The following ZNF423 variants were observed in gnomAD, a reference collection of about 807,000 sequenced individuals.
ZNF423 encodes the protein zinc finger protein 423.
In ZNF423, 12 loss-of-function variants were observed where a neutral mutation model predicts 95.8. The ratio of observed to expected loss-of-function variants is 0.13; its 90% CI spans 0.08 to 0.20. The LOEUF is 0.20. ZNF423 is among the 10% of genes least tolerant of loss of function. The pLI, the probability that ZNF423 is intolerant of heterozygous loss-of-function variation, is 1.00. For missense variants in ZNF423, 1,316 were observed against 1,737.1 expected, an observed-to-expected ratio of 0.76 and a Z score of 4.31; for synonymous variants, 749 against 711.9, an observed-to-expected ratio of 1.05 and a Z score of -0.83.
intron 5 of ZNF423, among the ~76,000 whole-genome samples, chr16:49,591,425 A>G (rs9938281): frequency 0.65 from 98,375 of 151,954 alleles, 34,011 homozygotes; most frequent in African/African-American, 0.91. Flanking sequence ...CTAAACATAA[A>G]TATGCAAAAA....
chr16:49,740,842 T>C (rs2033399604), intron 2 of ZNF423, among the ~76,000 whole-genome samples: 1 of 152,230 alleles, frequency 6.6e-6, no homozygotes, highest in Non-Finnish European at 1.5e-5. Flanking sequence ...GTATCTTCAG[T>C]TGTCAGCAAG....
At position 49,761,476 on chromosome 16, in the gene ZNF423, C is replaced by T. The variant is rs149970019; in HGVS notation, c.100+28011G>A. On this transcript the variant is annotated intron_variant, in intron 2 of 7. Coordinates refer to ENST00000563137, the MANE Select transcript of ZNF423 (RefSeq NM_001379286.1). ...CCAAGATTGTGCGTTACTAGAAGCT[C>T]CCAGTAAGGAGAACGACGCTGGTCC... is the stretch of plus-strand genomic sequence containing the variant. Among the ~76,000 whole-genome samples, 610 of 152,294 alleles carry T rather than the reference C, an allele frequency of 4.0e-3. 2 individuals carry two copies. The highest frequency in any genetic ancestry group is 6.6e-3 in the Non-Finnish European group (448 of 68,012).
chr16:49,685,884 C>T (rs2031544393), intron 3 of ZNF423, among the ~76,000 whole-genome samples: 1 of 152,214 alleles, frequency 6.6e-6, no homozygotes, highest in South Asian at 2.1e-4. Context: ...GCTCACCACG[C>T]TCCCCCATGC....
At chr16:49,612,893 C>T (rs1202233315) in intron 5 of ZNF423, among the ~76,000 whole-genome samples, 1 of 151,082 alleles carries the variant, frequency 6.6e-6, no homozygotes, top group African/African-American at 2.4e-5. Context: ...AACACATGAA[C>T]ACTGAAATTA....
At chr16:49,527,180 G>T (rs769355050) in intron 5 of ZNF423, among the ~76,000 whole-genome samples, 1 of 151,844 alleles carries the variant, frequency 6.6e-6, no homozygotes, top group East Asian at 1.9e-4. Flanking sequence ...ACACACACAC[G>T]TGCACACACA....
rs1056082536 is a variant in ZNF423 at position 49,731,308 on chromosome 16, C to G, written c.101-337G>C. ...GATTCAGTTACACACCTTTTTAAAG[C>G]CTCCATCAGCTGTTCCTAACACACC... On this transcript the variant is annotated intron_variant, in intron 2 of 7. Transcript: ENST00000563137. The G allele has an allele frequency of 8.1e-6, 8 of 985,226 alleles. No individual in the cohort carries two copies. In the East Asian group the frequency reaches 9.1e-4, roughly 112 times the overall value. 61.0% of individuals were successfully genotyped at this position (985,226 alleles called of 1,614,324 possible). A position where few individuals can be genotyped will look rare whatever the true frequency, so the allele number is the denominator to read the frequency against.
intron 7 of ZNF423, among the ~76,000 whole-genome samples, chr16:49,501,682 G>A (rs1327807744): frequency 6.6e-6 from 1 of 151,858 alleles, no homozygotes; most frequent in Non-Finnish European, 1.5e-5. Context: ...ATATATCATG[G>A]AATATTATGC....
intron 2 of ZNF423, among the ~76,000 whole-genome samples, chr16:49,753,081 T>C (rs1189749290): frequency 1.3e-5 from 2 of 151,870 alleles, no homozygotes; most frequent in Admixed American, 1.3e-4. Flanking sequence ...CCATCTCTAC[T>C]AAAAATACAA....
chr16:49,856,729 G>A (rs2035375124), upstream of ZNF423, among the ~76,000 whole-genome samples: 3 of 147,926 alleles, frequency 2.0e-5, no homozygotes, highest in South Asian at 6.3e-4. Context: ...GCGCGCCCGT[G>A]CCCCGGGCAT....
chr16:49,770,467 C>T (rs1487245875), intron 2 of ZNF423, among the ~76,000 whole-genome samples: 2 of 152,040 alleles, frequency 1.3e-5, no homozygotes, highest in Non-Finnish European at 2.9e-5. Flanking sequence ...ACCTGCTCCA[C>T]GGTGGGAAGG....
chr16:49,596,187 T>C (rs1264274341), intron 5 of ZNF423, among the ~76,000 whole-genome samples: 3 of 152,176 alleles, frequency 2.0e-5, no homozygotes, highest in Admixed American at 6.5e-5. Flanking sequence ...AAAAATGTTC[T>C]TCTTCATCTC....
At chr16:49,727,683 C>T (rs1463348125) in intron 3 of ZNF423, among the ~76,000 whole-genome samples, 1 of 152,204 alleles carries the variant, frequency 6.6e-6, no homozygotes, top group East Asian at 1.9e-4. Flanking sequence ...CACGTTCCAG[C>T]AGCAACAGTC....
chr16:49,627,678 AC>A (rs1247955614), intron 4 of ZNF423, among the ~76,000 whole-genome samples: 1 of 147,830 alleles, frequency 6.8e-6, no homozygotes, highest in Non-Finnish European at 1.5e-5. Flanking sequence ...ATACCCATAT[AC>A]CCATTCATCC....
chr16:49,696,713 G>A (rs79875186), intron 3 of ZNF423, among the ~76,000 whole-genome samples: 1,562 of 151,510 alleles, frequency 0.01, 32 homozygotes, highest in African/African-American at 0.037. Context: ...GAGTCCTGGC[G>A]GGGGACAGCC....
intron 3 of ZNF423, among the ~76,000 whole-genome samples, chr16:49,728,433 C>G (rs2033082302): frequency 6.6e-6 from 1 of 152,082 alleles, no homozygotes; most frequent in South Asian, 2.1e-4. Flanking sequence ...GGGGGTATTC[C>G]TAGCTCCTGC....
At chr16:49,670,717 C>T (rs532671386) in intron 3 of ZNF423, among the ~76,000 whole-genome samples, 1 of 152,238 alleles carries the variant, frequency 6.6e-6, no homozygotes, top group African/African-American at 2.4e-5. Flanking sequence ...CAAAACAGCA[C>T]GCTGCCTCAT....
At chr16:49,550,523 C>G (rs1408921384) in intron 5 of ZNF423, among the ~76,000 whole-genome samples, 1 of 152,262 alleles carries the variant, frequency 6.6e-6, no homozygotes, top group Non-Finnish European at 1.5e-5. Context: ...GCCAAGGCCA[C>G]ACAAGTCTGT....
chr16:49,538,544 C>T (rs865899830), intron 5 of ZNF423, among the ~76,000 whole-genome samples: 1 of 152,200 alleles, frequency 6.6e-6, no homozygotes, highest in Non-Finnish European at 1.5e-5. Context: ...ATTTCCCTCT[C>T]CTGCTCAAGA....
intron 3 of ZNF423, among the ~76,000 whole-genome samples, chr16:49,688,741 A>G (rs2031665557): frequency 6.6e-6 from 1 of 152,262 alleles, no homozygotes; most frequent in Non-Finnish European, 1.5e-5. Flanking sequence ...AGACTCAATA[A>G]AAAAGGAAAA....
Sources: gnomAD v4.1 joint callset for allele counts (sites outside exome capture counted in the v4.1 genomes callset) on GRCh38, gnomAD v4.1.1 for gene constraint, MANE v1.5 for transcripts, NCBI Gene and HGNC (gene_info 2026-07-23, HGNC 2026-07-21) for gene names.